OAS2: variants seen among roughly 807,000 people sequenced by gnomAD.
OAS2 encodes 2'-5'-oligoadenylate synthetase 2, also known as 2'-5'-oligoadenylate synthase 2.
A neutral mutation model predicts 71.3 loss-of-function variants in OAS2; 67 were observed. That is an observed-to-expected ratio of 0.94 (90% CI 0.77 to 1.15). The LOEUF (loss-of-function observed/expected upper bound fraction) is 1.15. Ranked by LOEUF, OAS2 falls within the 50% of genes most tolerant of loss-of-function variation. OAS2 has a pLI of 0.00. For synonymous variants in OAS2, 327 were observed against 321.8 expected, an observed-to-expected ratio of 1.02 and a Z score of -0.17; for missense variants, 789 against 822.5, an observed-to-expected ratio of 0.96 and a Z score of 0.50.
intron 5 of OAS2, 79 bp from the exon 6 acceptor site, chr12:113,002,853 G>A: frequency 1.5e-6 from 2 of 1,330,840 alleles, no homozygotes; most frequent in Non-Finnish European, 2.1e-6. Context: ...AGGGTAGGGG[G>A]CCCAGTACAG....
chr12:112,999,348 C>G (rs2044263638), intron 5 of OAS2, among the ~76,000 whole-genome samples: 1 of 152,236 alleles, frequency 6.6e-6, no homozygotes, highest in Admixed American at 6.5e-5. Flanking sequence ...CCAGGTTAGA[C>G]CACTGAGCCC....
intron 5 of OAS2, among the ~76,000 whole-genome samples, chr12:113,000,718 C>T (rs1285544230): frequency 6.6e-6 from 1 of 152,066 alleles, no homozygotes; most frequent in Non-Finnish European, 1.5e-5. Flanking sequence ...CATGCACACA[C>T]ATGCACTCAC....
At chr12:112,996,675 A>AG (rs1378841770) in intron 3 of OAS2, among the ~76,000 whole-genome samples, 1 of 152,072 alleles carries the variant, frequency 6.6e-6, no homozygotes, top group Non-Finnish European at 1.5e-5. Flanking sequence ...TTTAAAGGTG[A>AG]GGGGACAGAG....
intron 5 of OAS2, among the ~76,000 whole-genome samples, chr12:113,000,222 T>C (rs750227961): frequency 6.6e-6 from 1 of 152,182 alleles, no homozygotes; most frequent in Admixed American, 6.5e-5. Flanking sequence ...ATACAGCCCA[T>C]TGGGATGATT....
intron 5 of OAS2, among the ~76,000 whole-genome samples, chr12:113,000,025 G>T (rs143503545): frequency 6.6e-6 from 1 of 152,090 alleles, no homozygotes; most frequent in African/African-American, 2.4e-5. Flanking sequence ...GATTACAAGC[G>T]TGAGCCACCT....
In OAS2 at chr12:113,011,032, T is replaced by C. The variant is rs539743884; in HGVS notation, c.*1777T>C. 8.2e-6 allele frequency: 1 copy of C among 122,298 alleles called. No homozygotes were observed. The highest frequency in any genetic ancestry group is 2.8e-4 in the East Asian group (1 of 3,512). 7.6% of individuals were successfully genotyped at this position (122,298 alleles called of 1,614,324 possible). A position where few individuals can be genotyped will look rare whatever the true frequency, so the allele number is the denominator to read the frequency against. On this transcript the variant is annotated 3_prime_UTR_variant, in exon 10 of 10. Coordinates refer to ENST00000392583, the MANE Select transcript of OAS2 (RefSeq NM_002535.3). Reference sequence around the variant, plus strand: ...ATATTTATATGAGGCTGTTGTCTTTTCCTTCTGAGCCTGCCTTTCTCCCCC... The same window carrying C: ...ATATTTATATGAGGCTGTTGTCTTTCCCTTCTGAGCCTGCCTTTCTCCCCC...
intron 1 of OAS2, among the ~76,000 whole-genome samples, chr12:112,981,093 C>A (rs1362054919): frequency 6.6e-6 from 1 of 152,022 alleles, no homozygotes; most frequent in Admixed American, 6.5e-5. Flanking sequence ...GAGTTGTTCA[C>A]GTTCCTTGTA....
Position 113,003,047 on chromosome 12 carries a change from C to T in OAS2, c.1124C>T (p.Thr375Ile). The change falls in exon 6 of 10, where the codon ACA becomes ATA. Residue 375 changes from threonine (T) to isoleucine (I), a missense_variant. Transcript: ENST00000392583. ...GACAGTGCTGTTAACATCATCCGTACATTCCTTAAAGAAAACTGCTTCCGA... is the reference window on the plus strand; with the variant it reads ...GACAGTGCTGTTAACATCATCCGTATATTCCTTAAAGAAAACTGCTTCCGA... ...QIDSAVNIIRTFLKENCFRQS... is the reference protein window; with the variant it reads ...QIDSAVNIIRIFLKENCFRQS... 1 of 1,614,194 alleles carries T rather than the reference C, an allele frequency of 6.2e-7. No homozygotes were observed. The highest frequency in any genetic ancestry group is 8.5e-7 in the Non-Finnish European group (1 of 1,180,018).
chr12:113,007,092 T>C lies in OAS2; in HGVS notation c.1656+492T>C, dbSNP rs376832341. Among the ~76,000 whole-genome samples the C allele has an allele frequency of 7.2e-5, 11 of 152,190 alleles. No homozygotes were observed. The East Asian group carries it at 1.2e-3, about 16-fold the overall frequency. On this transcript the variant is annotated intron_variant, in intron 8 of 9. Coordinates refer to ENST00000392583, the MANE Select transcript of OAS2 (RefSeq NM_002535.3). ...CAGGTAACCCCAGATTCATGCACTGTAGGGTGCTGAGCAGCATCCCTAGTC... is the reference window on the plus strand; with the variant it reads ...CAGGTAACCCCAGATTCATGCACTGCAGGGTGCTGAGCAGCATCCCTAGTC...
intron 2 of OAS2, among the ~76,000 whole-genome samples, chr12:112,992,393 G>GAA (rs57482640): frequency 4.1e-5 from 4 of 96,690 alleles, no homozygotes; most frequent in African/African-American, 1.3e-4. Flanking sequence ...CTTGTCAAAA[G>GAA]AAAAAAAAAA....
chr12:113,006,339 T>C (rs2136394560), intron 7 of OAS2, 74 bp from the exon 8 acceptor site: 1 of 1,254,314 alleles, frequency 8.0e-7, no homozygotes, highest in South Asian at 1.9e-5. Context: ...TAAATCATAT[T>C]TGTCAAAAAT....
chr12:112,986,788 T>C (rs2044141254), intron 1 of OAS2, among the ~76,000 whole-genome samples: 1 of 152,192 alleles, frequency 6.6e-6, no homozygotes, highest in Admixed American at 6.5e-5. Context: ...GCACAGGTGC[T>C]GGTGGCAGGT....
intron 5 of OAS2, among the ~76,000 whole-genome samples, chr12:113,001,828 C>A (rs1247904677): frequency 7.1e-6 from 1 of 141,654 alleles, no homozygotes; most frequent in Middle Eastern, 3.7e-3. Flanking sequence ...GAGTTTGAGA[C>A]CAGCCTGGGG....
chr12:113,008,054 G>A (rs969775877), intron 9 of OAS2, 111 bp downstream of exon 9: 53 of 792,140 alleles, frequency 6.7e-5, no homozygotes, highest in Admixed American at 3.3e-4. Flanking sequence ...CATGACGGGG[G>A]AAAGTGCTAG....
At chr12:112,980,346 A>T (rs2044068230) in intron 1 of OAS2, among the ~76,000 whole-genome samples, 1 of 152,208 alleles carries the variant, frequency 6.6e-6, no homozygotes, top group Admixed American at 6.5e-5. Context: ...ACTAGAATTT[A>T]TCCCTTCTAT....
intron 9 of OAS2, 133 bp from the exon 10 acceptor site, chr12:113,008,954 A>G (rs1211216122): frequency 3.5e-6 from 5 of 1,437,918 alleles, no homozygotes; most frequent in Admixed American, 2.4e-5. Context: ...GAACCCTACT[A>G]GTAAATTTGA....
At chr12:112,985,099 T>G (rs568817006) in intron 1 of OAS2, among the ~76,000 whole-genome samples, 2 of 152,218 alleles carry the variant, frequency 1.3e-5, no homozygotes, top group Non-Finnish European at 2.9e-5. Context: ...GTCTTTGACT[T>G]TTGACAGTTT....
chr12:112,990,938 G>T (rs887239487), intron 2 of OAS2, among the ~76,000 whole-genome samples: 3 of 152,170 alleles, frequency 2.0e-5, no homozygotes, highest in African/African-American at 7.2e-5. Context: ...CAAGAGAGGG[G>T]TTCATTCAGT....
intron 2 of OAS2, among the ~76,000 whole-genome samples, chr12:112,993,116 G>A (rs148895127): frequency 5.9e-5 from 9 of 152,204 alleles, no homozygotes; most frequent in African/African-American, 2.2e-4. Context: ...ACCTACAGGG[G>A]AATTGGTAAC....
Sources: allele counts gnomAD v4.1 joint callset (sites outside exome capture counted in the v4.1 genomes callset), GRCh38; gene constraint gnomAD v4.1.1; transcripts MANE v1.5; gene names NCBI Gene and HGNC (gene_info 2026-07-23, HGNC 2026-07-21).